TUB: variants seen among roughly 807,000 people sequenced by gnomAD.
The protein encoded by TUB is TUB bipartite transcription factor, also known as tubby protein homolog.
In TUB, 33 loss-of-function variants were observed where a neutral mutation model predicts 59.7. The observed-to-expected ratio is 0.55, with a 90% CI of 0.42 to 0.74. The LOEUF (loss-of-function observed/expected upper bound fraction) is 0.74. Among genes scored for constraint, TUB ranks in the 30% least tolerant of loss-of-function variants. The pLI is 0.00. For missense variants in TUB, 659 were observed against 672.0 expected (o/e 0.98, Z 0.21); for synonymous variants, 293 against 256.4 (o/e 1.14, Z -1.36).
intron 7 of TUB, 77 bp downstream of exon 7, chr11:8,097,502 G>T: frequency 6.3e-7 from 1 of 1,590,026 alleles, no homozygotes; most frequent in Non-Finnish European, 8.6e-7. Flanking sequence ...GTGACTGGAA[G>T]TCTCATATCT....
At chr11:8,053,222 C>T (rs554052917) in intron 2 of TUB, among the ~76,000 whole-genome samples, 20 of 152,198 alleles carry the variant, frequency 1.3e-4, no homozygotes, top group South Asian at 1.2e-3. Flanking sequence ...TTTCCATTTC[C>T]GGAAATGGAA....
chr11:8,084,991 C>G (rs1361631193), intron 1 of TUB, among the ~76,000 whole-genome samples: 1 of 152,196 alleles, frequency 6.6e-6, no homozygotes, highest in Non-Finnish European at 1.5e-5. Context: ...TGAACCTAAG[C>G]AAGTCTCCGG....
intron 2 of TUB, among the ~76,000 whole-genome samples, chr11:8,059,702 G>A (rs1429019462): frequency 1.3e-5 from 2 of 152,120 alleles, no homozygotes; most frequent in African/African-American, 4.8e-5. Context: ...GCAGGAGAGG[G>A]GTCAGGGGGC....
chr11:8,068,789 C>T (rs553450101), intron 2 of TUB: 5 of 152,456 alleles, frequency 3.3e-5, no homozygotes, highest in Admixed American at 3.3e-4. Context: ...TTATCTGTGT[C>T]CATCTGTGTC....
intron 2 of TUB, among the ~76,000 whole-genome samples, chr11:8,053,642 C>A (rs879336041): frequency 7.3e-5 from 11 of 150,506 alleles, no homozygotes; most frequent in East Asian, 6.0e-4. Flanking sequence ...CTGGGACTAC[C>A]GGCGCCCGCC....
chr11:8,046,239 G>A (rs1942831151), intron 2 of TUB, among the ~76,000 whole-genome samples: 1 of 152,108 alleles, frequency 6.6e-6, no homozygotes, highest in Non-Finnish European at 1.5e-5. Flanking sequence ...ACCACCTTTT[G>A]TCCAATGTCT....
rs1346566043 is a variant in TUB, at chr11:8,098,988, G to A, written c.1116+113G>A. 5 of 801,188 alleles carry A rather than the reference G, an allele frequency of 6.2e-6. No individual in the cohort carries two copies. The East Asian group carries it at 1.2e-4, about 20-fold the overall frequency. 49.6% of individuals were successfully genotyped at this position (801,188 alleles called of 1,614,324 possible). On this transcript the variant is annotated intron_variant, in intron 9 of 11. Coordinates refer to ENST00000299506, the MANE Select transcript of TUB (RefSeq NM_177972.3). ...CTTAGTGGGTAGACAAGGCTGTGTG[G>A]AGAGGGGCTGTCCTCTGTGGAGTGT...
At chr11:8,055,609 C>A (rs764447780) in intron 2 of TUB, among the ~76,000 whole-genome samples, 12 of 152,252 alleles carry the variant, frequency 7.9e-5, no homozygotes, top group Non-Finnish European at 1.8e-4. Flanking sequence ...AGAGGCCCCT[C>A]ACCCCAGGAC....
At chr11:8,057,905 G>A (rs1010903533) in intron 2 of TUB, among the ~76,000 whole-genome samples, 1 of 152,134 alleles carries the variant, frequency 6.6e-6, no homozygotes, top group Non-Finnish European at 1.5e-5. Context: ...CACTCAGTCA[G>A]TACTGAAACA....
At chr11:8,039,012 G>T in exon 1 of TUB, 3 of 1,613,318 alleles carry the variant, frequency 1.9e-6, no homozygotes, top group Non-Finnish European at 2.5e-6. Flanking sequence ...CCTGAAACGG[G>T]GCCACCGAAG....
intron 1 of TUB, among the ~76,000 whole-genome samples, chr11:8,022,377 T>C (rs1337413669): frequency 6.6e-6 from 1 of 152,244 alleles, no homozygotes; most frequent in African/African-American, 2.4e-5. Context: ...TAAGGAACCA[T>C]TGTTAATAGT....
intron 1 of TUB, among the ~76,000 whole-genome samples, chr11:8,082,521 G>T (rs1159382629): frequency 2.6e-5 from 4 of 152,180 alleles, no homozygotes; most frequent in Non-Finnish European, 5.9e-5. Flanking sequence ...GGGCTACGGG[G>T]CTGTCTCTGT....
Position 8,094,003 on chromosome 11 carries a change from C to T in TUB, c.254-43C>T, listed in dbSNP as rs750948209. The T allele has an allele frequency of 5.0e-6, 8 of 1,613,636 alleles. No homozygotes were observed. In the Admixed American group the frequency reaches 1.0e-4, roughly 20 times the overall value. On this transcript the variant is annotated intron_variant, in intron 3 of 11. Transcript: ENST00000299506. ...CAGGTGGGAGCTCTGGTCTCACCCA[C>T]TGCCTGTTTCTCTCTCTCCATCTGG... is the stretch of plus-strand genomic sequence containing the variant.
chr11:8,073,108 G>A (rs1943388004), intron 2 of TUB, among the ~76,000 whole-genome samples: 1 of 152,192 alleles, frequency 6.6e-6, no homozygotes, highest in Non-Finnish European at 1.5e-5. Context: ...TTCCTCTATA[G>A]CTGCTGCCTC....
chr11:8,101,384 A>G, intron 11 of TUB, 102 bp from the exon 12 acceptor site: 1 of 1,437,718 alleles, frequency 7.0e-7, no homozygotes, highest in Admixed American at 1.8e-5. Context: ...TCTGCTTCTC[A>G]CTTGTTCTTC....
chr11:8,090,103 G>A lies in TUB; in HGVS notation c.125G>A (p.Arg42His), dbSNP rs202068881. 13 of 1,612,398 alleles carry A rather than the reference G, an allele frequency of 8.1e-6. No homozygotes were observed. The highest frequency in any genetic ancestry group is 4.5e-5 in the East Asian group (2 of 44,838). The change falls in exon 3 of 12, where the codon CGC becomes CAC. Residue 42 changes from arginine to histidine, a missense_variant. Arg to His is a conservative substitution (Grantham distance 29). Around this residue, in one of 3 missense-constraint regions of TUB, gnomAD observed 321 missense variants for 304.3 expected, o/e 1.05. Coordinates refer to ENST00000299506, the MANE Select transcript of TUB (RefSeq NM_177972.3). Reference protein sequence around the residue: ...ALLEQKQKKKRQEPLMVQANA... With the variant: ...ALLEQKQKKKHQEPLMVQANA... ...CTGGAGCAGAAGCAGAAGAAGAAGC[G>A]CCAGGAGCCCCTGATGGTGCAGGCC...
intron 2 of TUB, among the ~76,000 whole-genome samples, chr11:8,069,740 T>C (rs1199633711): frequency 6.6e-6 from 1 of 152,174 alleles, no homozygotes; most frequent in Non-Finnish European, 1.5e-5. Flanking sequence ...CTGGGTTATC[T>C]AGAGGAATTA....
chr11:8,039,553 C>T (rs10769865), intron 1 of TUB: 738,044 of 1,163,304 alleles, frequency 0.63, 241,012 homozygotes, highest in Middle Eastern at 0.74. Flanking sequence ...CTGAAGGAGG[C>T]CTTGAGTGAC....
At chr11:8,083,587 G>A (rs1198686976) in intron 1 of TUB, among the ~76,000 whole-genome samples, 1 of 151,984 alleles carries the variant, frequency 6.6e-6, no homozygotes, top group East Asian at 1.9e-4. Flanking sequence ...CCTCAGCCCA[G>A]GTCCAACTAC....
Sources: allele counts gnomAD v4.1 joint callset (sites outside exome capture counted in the v4.1 genomes callset), GRCh38; gene constraint gnomAD v4.1.1; regional missense constraint gnomAD v4.1.1; transcripts MANE v1.5; gene names NCBI Gene and HGNC (gene_info 2026-07-23, HGNC 2026-07-21).